PARD3B: variants seen among roughly 807,000 people sequenced by gnomAD.
PARD3B encodes par-3 family cell polarity regulator beta.
Under a neutral mutation model 130.2 loss-of-function variants are expected in PARD3B, and 103 were observed. That is an observed-to-expected ratio of 0.79 (90% CI 0.67 to 0.93). The LOEUF (loss-of-function observed/expected upper bound fraction) is 0.93. Among genes scored for constraint, PARD3B ranks in the 40% least tolerant of loss-of-function variants. PARD3B has a pLI of 0.00. For missense variants in PARD3B, 1,609 were observed against 1,499.2 expected (o/e 1.07, Z -1.21); for synonymous variants, 583 against 553.2 (o/e 1.05, Z -0.76).
At chr2:204,656,671 A>G (rs1559034073) in intron 1 of PARD3B, among the ~76,000 whole-genome samples, 1 of 152,144 alleles carries the variant, frequency 6.6e-6, no homozygotes, top group East Asian at 1.9e-4. Flanking sequence ...CCAGTTTTAC[A>G]TTTTTGAAAG....
chr2:204,575,952 C>G (rs1026975889), intron 1 of PARD3B, among the ~76,000 whole-genome samples: 1 of 152,180 alleles, frequency 6.6e-6, no homozygotes, highest in Admixed American at 6.5e-5. Flanking sequence ...TGATACATGG[C>G]TTGTAGGTCC....
intron 18 of PARD3B, among the ~76,000 whole-genome samples, chr2:205,313,564 T>C (rs995448038): frequency 2.0e-5 from 3 of 152,214 alleles, no homozygotes; most frequent in Non-Finnish European, 4.4e-5. Flanking sequence ...TAAAATGATT[T>C]TGTCATACTT....
intron 16 of PARD3B, among the ~76,000 whole-genome samples, chr2:205,279,333 C>T (rs2041099097): frequency 6.6e-6 from 1 of 152,130 alleles, no homozygotes; most frequent in African/African-American, 2.4e-5. Context: ...AACTATACCT[C>T]ACACGTGTTT....
At chr2:205,466,547 C>A (rs1292182084) in intron 20 of PARD3B, among the ~76,000 whole-genome samples, 1 of 152,150 alleles carries the variant, frequency 6.6e-6, no homozygotes, top group East Asian at 1.9e-4. Context: ...CTGCTACGAA[C>A]CTGCCAAGAA....
intron 15 of PARD3B, among the ~76,000 whole-genome samples, chr2:205,195,815 A>G (rs895424299): frequency 2.3e-5 from 3 of 129,524 alleles, no homozygotes; most frequent in African/African-American, 8.6e-5. Context: ...CAGCATTTTC[A>G]TATGGTTCAA....
intron 22 of PARD3B, among the ~76,000 whole-genome samples, chr2:205,605,452 TTGTG>T (rs1169205946): frequency 1.3e-5 from 2 of 152,202 alleles, no homozygotes; most frequent in Middle Eastern, 3.4e-3. Flanking sequence ...TTCCTTTTAG[TTGTG>T]TGTGTGTGTT....
chr2:205,560,680 CT>C (rs773802040), intron 22 of PARD3B, among the ~76,000 whole-genome samples: 5 of 152,140 alleles, frequency 3.3e-5, no homozygotes, highest in Admixed American at 6.5e-5. Context: ...CCACGTTCGC[CT>C]CCAGTCCTTG....
chr2:205,549,379 G>A (rs1054054962), intron 21 of PARD3B, among the ~76,000 whole-genome samples: 1 of 152,108 alleles, frequency 6.6e-6, no homozygotes, highest in Non-Finnish European at 1.5e-5. Context: ...AAATTTGGAG[G>A]CAACTAAGAT....
chr2:205,298,061 A>G (rs1282829658), intron 16 of PARD3B, among the ~76,000 whole-genome samples: 2 of 152,190 alleles, frequency 1.3e-5, no homozygotes, highest in African/African-American at 4.8e-5. Context: ...TGGACGATTT[A>G]TTCACTTTCA....
chr2:204,892,803 C>T (rs1269000130), intron 2 of PARD3B, among the ~76,000 whole-genome samples: 1 of 151,992 alleles, frequency 6.6e-6, no homozygotes, highest in East Asian at 1.9e-4. Flanking sequence ...AGAAGGGAGT[C>T]CTTTTCTTGA....
At chr2:205,373,701 A>C (rs774319651) in intron 18 of PARD3B, among the ~76,000 whole-genome samples, 1 of 152,224 alleles carries the variant, frequency 6.6e-6, no homozygotes, top group Non-Finnish European at 1.5e-5. Flanking sequence ...AGAAAAGTTA[A>C]TATCTAGTCC....
rs1375229527 is a variant in PARD3B, at chr2:204,606,205, G to T, written c.120+60086G>T. Among the ~76,000 whole-genome samples, 1 of 152,140 alleles carries T rather than the reference G, an allele frequency of 6.6e-6. No homozygotes were observed. The highest frequency in any genetic ancestry group is 1.5e-5 in the Non-Finnish European group (1 of 68,034). On this transcript the variant is annotated intron_variant, in intron 1 of 22. Coordinates refer to ENST00000406610, the MANE Select transcript of PARD3B (RefSeq NM_001302769.2). The surrounding 1 kb of genome is among the most constrained non-coding windows in gnomAD (Gnocchi z 4.0). Reference sequence around the variant, plus strand: ...TTGTCTTTGAGTTTGCCACACATGTGGCATAGTGCAGCGCCTTATGTATTG... The same window carrying T: ...TTGTCTTTGAGTTTGCCACACATGTTGCATAGTGCAGCGCCTTATGTATTG...
chr2:204,784,692 A>G (rs181710173), intron 2 of PARD3B, among the ~76,000 whole-genome samples: 158 of 152,238 alleles, frequency 1.0e-3, no homozygotes, highest in African/African-American at 3.6e-3. Flanking sequence ...TCTGGGGGCA[A>G]TTGTTTCTGT....
chr2:205,015,496 A>G lies in PARD3B; in HGVS notation c.395-32085A>G, dbSNP rs1433178709. On this transcript the variant is annotated intron_variant, in intron 3 of 22. Transcript: ENST00000406610. The surrounding 1 kb of genome is among the most constrained non-coding windows in gnomAD (Gnocchi z 4.5). ...CAGACCGAGTTCCTAGAAGATAGGG[A>G]TGATGTGTTATTCATATAGGTATAA... Among the ~76,000 whole-genome samples the G allele has an allele frequency of 6.6e-6, 1 of 152,180 alleles. No individual in the cohort carries two copies. The highest frequency in any genetic ancestry group is 6.5e-5 in the Admixed American group (1 of 15,278).
chr2:205,127,255 C>T (rs183652362), intron 10 of PARD3B, among the ~76,000 whole-genome samples: 199 of 137,764 alleles, frequency 1.4e-3, no homozygotes, highest in Non-Finnish European at 1.5e-3. Context: ...CAAGATTGCA[C>T]GAGTGCGCTC....
chr2:204,998,608 C>A (rs1694552903), intron 3 of PARD3B, among the ~76,000 whole-genome samples: 1 of 149,374 alleles, frequency 6.7e-6, no homozygotes, highest in Non-Finnish European at 1.5e-5. Flanking sequence ...CTTTTAATTT[C>A]TAATCACTAA....
chr2:204,828,043 C>T (rs201007751), intron 2 of PARD3B, among the ~76,000 whole-genome samples: 1 of 151,882 alleles, frequency 6.6e-6, no homozygotes, highest in Non-Finnish European at 1.5e-5. Flanking sequence ...CCATCTGCCC[C>T]GGTCCAGTGT....
At chr2:205,055,299 C>A (rs1191883349) in intron 4 of PARD3B, among the ~76,000 whole-genome samples, 1 of 152,118 alleles carries the variant, frequency 6.6e-6, no homozygotes, top group African/African-American at 2.4e-5. Context: ...AATTTTCCTC[C>A]TAGTCCATCT....
chr2:205,217,844 A>ATGTG lies in PARD3B; in HGVS notation c.2140+24546_2140+24549dup, dbSNP rs747500423. 3.0e-3 allele frequency among the ~76,000 whole-genome samples: 262 copies of ATGTG among 88,652 alleles called. 6 individuals carry two copies. The highest frequency in any genetic ancestry group is 0.012 in the African/African-American group (233 of 20,024). 58.2% of individuals were successfully genotyped at this position (88,652 alleles called of 152,430 possible). A position where few individuals can be genotyped will look rare whatever the true frequency, so the allele number is the denominator to read the frequency against. ...TATGTGTGTGTATATATGTGTGTAT[A>ATGTG]TGTGTGTGTGTGTGTGTGTGTGTGT... On this transcript the variant is annotated intron_variant, in intron 15 of 22. Transcript: ENST00000406610.
Sources: allele counts gnomAD v4.1 joint callset (sites outside exome capture counted in the v4.1 genomes callset), GRCh38; gene constraint gnomAD v4.1.1; non-coding constraint Gnocchi (gnomAD v3.1); transcripts MANE v1.5; gene names NCBI Gene and HGNC (gene_info 2026-07-23, HGNC 2026-07-21).